GNB1: variants seen among roughly 807,000 people sequenced by gnomAD.
GNB1 encodes the protein G protein subunit beta 1.
GNB1 carries 2 observed loss-of-function variants against 42.9 expected under a neutral mutation model. The ratio of observed to expected loss-of-function variants is 0.05; its 90% CI spans 0.02 to 0.15. The LOEUF is 0.15. GNB1 is among the 10% of genes least tolerant of loss of function. GNB1 has a pLI of 1.00. For missense variants in GNB1, 193 were observed against 462.2 expected (o/e 0.42, Z 5.34); for synonymous variants, 183 against 174.7 (o/e 1.05, Z -0.38).
At chr1:1,870,600 G>A (rs1457137212) in intron 1 of GNB1, among the ~76,000 whole-genome samples, 1 of 152,162 alleles carries the variant, frequency 6.6e-6, no homozygotes, top group Non-Finnish European at 1.5e-5. Context: ...GCGCTGTTAC[G>A]CATGTTAGCG....
At chr1:1,867,727 G>T (rs1649021233) in intron 1 of GNB1, among the ~76,000 whole-genome samples, 1 of 152,032 alleles carries the variant, frequency 6.6e-6, no homozygotes, top group African/African-American at 2.4e-5. Context: ...CCCCAAACAG[G>T]CATCTTTTGC....
Position 1,876,457 on chromosome 1 carries a change from A to G in GNB1, c.-96+14363T>C, listed in dbSNP as rs147182341. ...TACACCATCAGGCCCAGCTAAGAAA[A>G]AGAGAGAGCAAGAGAGAGGACATGC... is the stretch of plus-strand genomic sequence containing the variant. On this transcript the variant is annotated intron_variant, in intron 1 of 11. Transcript: ENST00000378609. Among the ~76,000 whole-genome samples, 164 of 151,066 alleles carry G rather than the reference A, an allele frequency of 1.1e-3. 1 individual carries two copies. In the East Asian group the frequency reaches 0.023, roughly 21 times the overall value.
At chr1:1,878,276 G>A (rs761597100) in intron 1 of GNB1, among the ~76,000 whole-genome samples, 5 of 152,228 alleles carry the variant, frequency 3.3e-5, no homozygotes, top group Non-Finnish European at 7.3e-5. Context: ...TGCCATGGGA[G>A]TGTCAGGCAG....
chr1:1,890,329 C>G (rs2101987549), intron 1 of GNB1: 1 of 151,986 alleles, frequency 6.6e-6, no homozygotes, highest in South Asian at 2.1e-4. Flanking sequence ...CTTCCCCACG[C>G]TCGCGCCCCG....
chr1:1,815,698 G>C, intron 5 of GNB1, 58 bp downstream of exon 5: 1 of 922,340 alleles, frequency 1.1e-6, no homozygotes, highest in African/African-American at 1.6e-5. Context: ...TTTTCCCCTA[G>C]GACAACAGAG....
rs1172963666 is a variant in GNB1 at position 1,787,664 on chromosome 1, C to T, written c.917-227G>A. ...CGCACACACACGCAATCGATAAATCCAGAGCCCCTGGCATTGACTTCTCAG... is the reference window on the plus strand; with the variant it reads ...CGCACACACACGCAATCGATAAATCTAGAGCCCCTGGCATTGACTTCTCAG... On this transcript the variant is annotated intron_variant, in intron 10 of 11. Coordinates refer to ENST00000378609, the MANE Select transcript of GNB1 (RefSeq NM_002074.5). This position sits in a 1 kb window ranked among gnomAD's most constrained non-coding sequence, Gnocchi z 4.4. Among the ~76,000 whole-genome samples, 2 of 152,098 alleles carry T rather than the reference C, an allele frequency of 1.3e-5. No homozygotes were observed. Among genetic ancestry groups the T allele is most frequent in the Non-Finnish European group, 2.9e-5 (2 of 68,026 alleles).
At chr1:1,864,048 A>C (rs6660452) in intron 1 of GNB1, among the ~76,000 whole-genome samples, 126,250 of 151,868 alleles carry the variant, frequency 0.83, 54,442 homozygotes, top group Non-Finnish European at 0.95. Flanking sequence ...ATTTGCCAGG[A>C]GTGGTGGCTC....
chr1:1,794,060 A>C (rs1646515843), intron 7 of GNB1: 1 of 152,294 alleles, frequency 6.6e-6, no homozygotes. Context: ...TGACACCCAC[A>C]TCAGCGTGGG....
rs372735204 is a variant in GNB1, at chr1:1,875,605, C to T, written c.-96+15215G>A. Among the ~76,000 whole-genome samples, 18 of 152,292 alleles carry T rather than the reference C, an allele frequency of 1.2e-4. 1 individual carries two copies. The highest frequency in any genetic ancestry group is 5.9e-4 in the Admixed American group (9 of 15,282). On this transcript the variant is annotated intron_variant, in intron 1 of 11. Transcript: ENST00000378609. ...CTCATTGCAGCCTCAAACTCCTGGG[C>T]TCAAGTGATCCTCTCATCTTGGCCT...
intron 5 of GNB1, among the ~76,000 whole-genome samples, chr1:1,808,916 T>C (rs1188107502): frequency 1.3e-5 from 2 of 152,150 alleles, no homozygotes; most frequent in Admixed American, 1.3e-4. Flanking sequence ...AGTGTTGGGA[T>C]TACAGACATA....
intron 5 of GNB1, among the ~76,000 whole-genome samples, chr1:1,808,301 C>T (rs1482836068): frequency 2.6e-5 from 4 of 152,264 alleles, no homozygotes; most frequent in Non-Finnish European, 4.4e-5. Flanking sequence ...CCACTGCGCC[C>T]GACCATGAAT....
At chr1:1,795,192 C>T (rs2100571623) in intron 7 of GNB1, among the ~76,000 whole-genome samples, 1 of 152,304 alleles carries the variant, frequency 6.6e-6, no homozygotes, top group East Asian at 1.9e-4. Flanking sequence ...CTGTAGTGCC[C>T]TGCAGCTTGC....
In GNB1 at chr1:1,789,237, G is replaced by A. The variant is rs1033454920; in HGVS notation, c.732C>T (p.Gly244=). The change falls in exon 10 of 12, where the codon GGC becomes GGT. Residue 244 remains glycine, a synonymous_variant. Coordinates refer to ENST00000378609, the MANE Select transcript of GNB1 (RefSeq NM_002074.5). ...ACAGCCTGCAGGTGGCGTCGTCTGAGCCAGTGGCAAATGCATTGCCATTTG... is the reference window on the plus strand; with the variant it reads ...ACAGCCTGCAGGTGGCGTCGTCTGAACCAGTGGCAAATGCATTGCCATTTG... ...FFPNGNAFAT[G]SDDATCRLFD... 4 of 1,611,698 alleles carry A rather than the reference G, an allele frequency of 2.5e-6. No homozygotes were observed. The highest frequency in any genetic ancestry group is 3.4e-6 in the Non-Finnish European group (4 of 1,177,852).
At chr1:1,817,717 GC>G (rs1283701727) in intron 4 of GNB1, 119 bp downstream of exon 4, 2 of 632,728 alleles carry the variant, frequency 3.2e-6, no homozygotes, top group East Asian at 5.3e-5. Flanking sequence ...AAAAGCAGTG[GC>G]TTGGCATCCT....
At chr1:1,864,886 T>C (rs1188577453) in intron 1 of GNB1, among the ~76,000 whole-genome samples, 1 of 152,180 alleles carries the variant, frequency 6.6e-6, no homozygotes, top group Non-Finnish European at 1.5e-5. Context: ...CTTAACCAAT[T>C]ACATTTTACT....
intron 1 of GNB1, among the ~76,000 whole-genome samples, chr1:1,889,932 G>A (rs1422026983): frequency 2.9e-5 from 4 of 136,954 alleles, no homozygotes; most frequent in Admixed American, 2.3e-4. Flanking sequence ...AAGACACCCA[G>A]CCTTTGTGCT....
intron 9 of GNB1, among the ~76,000 whole-genome samples, chr1:1,789,721 G>GA (rs1646457456): frequency 7.0e-6 from 1 of 141,950 alleles, no homozygotes; most frequent in African/African-American, 2.6e-5. Flanking sequence ...AGGGTGGGGG[G>GA]ATGGGGGAGG....
At chr1:1,864,314 C>CAAAAAA (rs1173466617) in intron 1 of GNB1, among the ~76,000 whole-genome samples, 2,122 of 37,714 alleles carry the variant, frequency 0.056, 207 homozygotes, top group Non-Finnish European at 0.079. Flanking sequence ...AAGACTCTCT[C>CAAAAAA]AAAAAAAAAA....
At chr1:1,885,881 AAGC>A (rs1376186063) in intron 1 of GNB1, among the ~76,000 whole-genome samples, 3 of 151,304 alleles carry the variant, frequency 2.0e-5, no homozygotes, top group Admixed American at 2.0e-4. Context: ...AAAAAAAAAA[AAGC>A]AAGCAAGCAA....
Sources: gnomAD v4.1 joint callset for allele counts (sites outside exome capture counted in the v4.1 genomes callset) on GRCh38, gnomAD v4.1.1 for gene constraint, Gnocchi (gnomAD v3.1) non-coding constraint, MANE v1.5 for transcripts, NCBI Gene and HGNC (gene_info 2026-07-23, HGNC 2026-07-21) for gene names.